GDI2: variants seen among roughly 807,000 people sequenced by gnomAD.
The protein encoded by GDI2 is GDP dissociation inhibitor 2.
A neutral mutation model predicts 54.2 loss-of-function variants in GDI2; 22 were observed. That is an observed-to-expected ratio of 0.41 (90% CI 0.29 to 0.58). GDI2 has a LOEUF of 0.58. GDI2 is among the 20% of genes least tolerant of loss of function. The pLI is 0.35. For missense variants in GDI2, 422 were observed against 546.0 expected (o/e 0.77, Z 2.26); for synonymous variants, 177 against 182.1 (o/e 0.97, Z 0.23).
intron 1 of GDI2, chr10:5,811,933 A>G: frequency 1.7e-6 from 2 of 1,151,916 alleles, no homozygotes; most frequent in South Asian, 1.4e-5. Flanking sequence ...AGAGACATCT[A>G]AAAGTGTTAT....
chr10:5,807,436 T>C (rs190757960), intron 1 of GDI2, among the ~76,000 whole-genome samples: 1 of 152,240 alleles, frequency 6.6e-6, no homozygotes, highest in African/African-American at 2.4e-5. Flanking sequence ...GAAACTTGTA[T>C]GTGAATGAAT....
At chr10:5,792,376 C>T (rs528967209) in intron 4 of GDI2, among the ~76,000 whole-genome samples, 2 of 152,202 alleles carry the variant, frequency 1.3e-5, no homozygotes, top group Admixed American at 1.3e-4. Context: ...TACATATATG[C>T]CTAGCATGTA....
chr10:5,804,622 G>T (rs1841337543), intron 1 of GDI2, among the ~76,000 whole-genome samples: 1 of 152,124 alleles, frequency 6.6e-6, no homozygotes, highest in African/African-American at 2.4e-5. Flanking sequence ...TTTGTGCATG[G>T]TCTATTTATT....
At chr10:5,781,738 G>A (rs1840761607) in intron 6 of GDI2, among the ~76,000 whole-genome samples, 1 of 152,002 alleles carries the variant, frequency 6.6e-6, no homozygotes, top group Non-Finnish European at 1.5e-5. Context: ...TCTAGGCCAG[G>A]CACTGTGGCT....
At chr10:5,791,751 A>G (rs199879586) in intron 4 of GDI2, among the ~76,000 whole-genome samples, 2 of 10,174 alleles carry the variant, frequency 2.0e-4, no homozygotes, top group Admixed American at 2.0e-3. Flanking sequence ...AAAAAAAAAG[A>G]AAAAAAAAAA....
intron 1 of GDI2, among the ~76,000 whole-genome samples, chr10:5,805,780 A>G (rs1010776579): frequency 6.6e-6 from 1 of 152,196 alleles, no homozygotes; most frequent in Non-Finnish European, 1.5e-5. Context: ...TAACCTGGAG[A>G]TCCTGTTAAA....
In GDI2 at chr10:5,766,331, C is replaced by G; in HGVS notation, c.1137-36G>C. 6.5e-7 allele frequency: 1 copy of G among 1,550,120 alleles called. No homozygotes were observed. ...AGAGAATTCAGTCAGGTGAGCTGGT[C>G]CCACACCTGACCATGGCTCTGCCTG... On this transcript the variant is annotated intron_variant, in intron 9 of 10. Transcript: ENST00000380191. This position sits in a 1 kb window ranked among gnomAD's most constrained non-coding sequence, Gnocchi z 5.8.
chr10:5,779,425 T>C (rs1840700728), intron 6 of GDI2, among the ~76,000 whole-genome samples: 1 of 151,848 alleles, frequency 6.6e-6, no homozygotes, highest in South Asian at 2.1e-4. Flanking sequence ...GGAGAATCGC[T>C]TGAACCCGGG....
chr10:5,786,597 AACT>A (rs1840887112), intron 4 of GDI2, among the ~76,000 whole-genome samples: 1 of 133,884 alleles, frequency 7.5e-6, no homozygotes, highest in African/African-American at 2.6e-5. Context: ...AAGTAATTAA[AACT>A]ACTACTTAAC....
intron 1 of GDI2, among the ~76,000 whole-genome samples, chr10:5,801,611 G>A (rs1346134344): frequency 6.6e-6 from 1 of 152,158 alleles, no homozygotes; most frequent in Admixed American, 6.5e-5. Flanking sequence ...GGGAGGCAGA[G>A]GTTGTGGTGA....
rs1356807234 is a variant in GDI2, at chr10:5,765,816, C to T, written c.*190G>A. On this transcript the variant is annotated 3_prime_UTR_variant, in exon 11 of 11. Transcript: ENST00000380191. Reference sequence around the variant, plus strand: ...TAAATTGAACAGAATGTGGTAACTGCCAATGCTGAATAGCCACTCCATGAA... The same window carrying T: ...TAAATTGAACAGAATGTGGTAACTGTCAATGCTGAATAGCCACTCCATGAA... 2 of 516,208 alleles carry T rather than the reference C, an allele frequency of 3.9e-6. No individual in the cohort carries two copies. The highest frequency in any genetic ancestry group is 3.4e-5 in the East Asian group (1 of 29,348). The allele number at this position is 516,208 out of a possible 1,614,324, so 32.0% of individuals were successfully genotyped here.
rs1209899026 is a variant in GDI2, at chr10:5,768,148, A to G, written c.991+65T>C. ...CAGCATACAAAATTAGGAATTTGGG[A>G]TAAAACACAAAGCAAATTATATCTT... On this transcript the variant is annotated intron_variant, in intron 8 of 10. Coordinates refer to ENST00000380191, the MANE Select transcript of GDI2 (RefSeq NM_001494.4). This position sits in a 1 kb window ranked among gnomAD's most constrained non-coding sequence, Gnocchi z 4.4. 7.2e-7 allele frequency: 1 copy of G among 1,380,236 alleles called. No individual in the cohort carries two copies. The allele number at this position is 1,380,236 out of a possible 1,614,324, so 85.5% of individuals were successfully genotyped here. A position where few individuals can be genotyped will look rare whatever the true frequency, so the allele number is the denominator to read the frequency against.
At position 5,808,726 on chromosome 10, in the gene GDI2, T is replaced by TACAC. The variant is rs111237506; in HGVS notation, c.45+4484_45+4487dup. ...AAAAAAAAAAAAAAAAAACTACAAA[T>TACAC]ACACACACACACACACACACACAAA... is the stretch of plus-strand genomic sequence containing the variant. On this transcript the variant is annotated intron_variant, in intron 1 of 10. Coordinates refer to ENST00000380191, the MANE Select transcript of GDI2 (RefSeq NM_001494.4). 2.4e-3 allele frequency among the ~76,000 whole-genome samples: 333 copies of TACAC among 138,312 alleles called. 3 individuals are homozygous for TACAC. The highest frequency in any genetic ancestry group is 4.0e-3 in the African/African-American group (146 of 36,460). The allele number at this position is 138,312 out of a possible 152,430, so 90.7% of individuals were successfully genotyped here.
chr10:5,790,512 G>A (rs1416904162), intron 4 of GDI2, among the ~76,000 whole-genome samples: 1 of 152,078 alleles, frequency 6.6e-6, no homozygotes, highest in African/African-American at 2.4e-5. Context: ...AGGTGTGGTG[G>A]TGCATGCCTG....
chr10:5,785,605 A>G (rs534960602), intron 5 of GDI2, among the ~76,000 whole-genome samples: 1 of 152,192 alleles, frequency 6.6e-6, no homozygotes, highest in South Asian at 2.1e-4. Flanking sequence ...TGAACTCCTG[A>G]CCTCAAATGA....
At chr10:5,785,385 T>TG (rs1840851297) in intron 5 of GDI2, 112 bp from the exon 6 acceptor site, 2 of 830,784 alleles carry the variant, frequency 2.4e-6, no homozygotes, top group African/African-American at 1.7e-5. Flanking sequence ...TTTGTTTTTT[T>TG]GTTTTTTGAG....
chr10:5,813,190 CGGCCCCTCAGCCCT>C lies in GDI2; in HGVS notation c.45+10_45+23del, dbSNP rs1018484273. On this transcript the variant is annotated intron_variant, in intron 1 of 10. Transcript: ENST00000380191. Reference sequence around the variant, plus strand: ...TGCGCCCGCCCCGGCTGCTCAGCCCCGGCCCCTCAGCCCTGGCGCCCACCGTCAGGCCGGTGCCC... The same window carrying C: ...TGCGCCCGCCCCGGCTGCTCAGCCCCGGCGCCCACCGTCAGGCCGGTGCCC... 1.9e-5 allele frequency: 28 copies of C among 1,508,728 alleles called. No individual in the cohort carries two copies. The highest frequency in any genetic ancestry group is 2.5e-5 in the Non-Finnish European group (28 of 1,112,980). The allele number at this position is 1,508,728 out of a possible 1,614,324, so 93.5% of individuals were successfully genotyped here.
In GDI2 at chr10:5,794,867, G is replaced by A; in HGVS notation, c.388+18C>T. On this transcript the variant is annotated intron_variant, in intron 4 of 10. Transcript: ENST00000380191. ...TGAGAAAATAAAACTAGTTACTAGA[G>A]AAAATAAAACTACTTACTAGATGCC... 1 of 1,554,008 alleles carries A rather than the reference G, an allele frequency of 6.4e-7. No homozygotes were observed. The highest frequency in any genetic ancestry group is 8.8e-7 in the Non-Finnish European group (1 of 1,130,454).
At chr10:5,805,584 T>C (rs1217916626) in intron 1 of GDI2, among the ~76,000 whole-genome samples, 1 of 152,100 alleles carries the variant, frequency 6.6e-6, no homozygotes, top group Non-Finnish European at 1.5e-5. Flanking sequence ...TATCACTATG[T>C]AGCCCAGCCT....
Sources: allele counts gnomAD v4.1 joint callset (sites outside exome capture counted in the v4.1 genomes callset), GRCh38; gene constraint gnomAD v4.1.1; non-coding constraint Gnocchi (gnomAD v3.1); transcripts MANE v1.5; gene names NCBI Gene and HGNC (gene_info 2026-07-23, HGNC 2026-07-21).